Variants in CFAP299 observed in about 807,000 individuals in gnomAD.
CFAP299 encodes the protein cilia- and flagella-associated protein 299.
In CFAP299, 21 loss-of-function variants were observed where a neutral mutation model predicts 27.0. The observed-to-expected ratio is 0.78, with a 90% CI of 0.55 to 1.12. The LOEUF (loss-of-function observed/expected upper bound fraction) is 1.12, where lower values mean the gene tolerates loss of function less well. Ranked by LOEUF, CFAP299 falls within the 50% of genes most tolerant of loss-of-function variation. The pLI is 0.00. For missense variants in CFAP299, 310 were observed against 276.6 expected, an observed-to-expected ratio of 1.12 and a Z score of -0.86; for synonymous variants, 104 against 98.1, an observed-to-expected ratio of 1.06 and a Z score of -0.36.
chr4:80,857,532 G>A (rs1180906672), intron 3 of CFAP299, among the ~76,000 whole-genome samples: 1 of 152,168 alleles, frequency 6.6e-6, no homozygotes, highest in Non-Finnish European at 1.5e-5. Flanking sequence ...GTATGATATT[G>A]GCTGTTGGTT....
At chr4:80,854,713 G>A (rs1731725295) in intron 3 of CFAP299, among the ~76,000 whole-genome samples, 1 of 141,068 alleles carries the variant, frequency 7.1e-6, no homozygotes, top group Non-Finnish European at 1.5e-5. Context: ...GAGAAGATAT[G>A]TAAAAAAAAT....
intron 3 of CFAP299, among the ~76,000 whole-genome samples, chr4:80,744,583 CT>C (rs920106583): frequency 8.1e-5 from 12 of 148,850 alleles, no homozygotes; most frequent in African/African-American, 2.0e-4. Flanking sequence ...TGATTTTCAT[CT>C]TTTTTTTTTA....
At chr4:80,687,735 G>C (rs1196549669) in intron 3 of CFAP299, among the ~76,000 whole-genome samples, 1 of 152,186 alleles carries the variant, frequency 6.6e-6, no homozygotes. Context: ...CAGCGTGAGC[G>C]ACGCAGAAGA....
chr4:80,854,915 T>G (rs377514551), intron 3 of CFAP299, among the ~76,000 whole-genome samples: 2 of 150,160 alleles, frequency 1.3e-5, no homozygotes, highest in South Asian at 2.1e-4. Flanking sequence ...AAATTTGAAG[T>G]GCTAAACAAC....
At chr4:80,930,683 G>C (rs115482324) in intron 4 of CFAP299, among the ~76,000 whole-genome samples, 3,756 of 152,138 alleles carry the variant, frequency 0.025, 70 homozygotes, top group South Asian at 0.079. Context: ...AAAAAATTGT[G>C]TTTTCTCACT....
At chr4:80,400,983 G>A (rs2110049390) in intron 2 of CFAP299, among the ~76,000 whole-genome samples, 1 of 152,314 alleles carries the variant, frequency 6.6e-6, no homozygotes, top group East Asian at 1.9e-4. Flanking sequence ...TCATCAAAGA[G>A]ACTGGTGGCA....
intron 3 of CFAP299, among the ~76,000 whole-genome samples, chr4:80,625,413 A>G (rs1482812582): frequency 6.6e-6 from 1 of 152,040 alleles, no homozygotes; most frequent in Non-Finnish European, 1.5e-5. Context: ...CAATCAAAAC[A>G]ACACTGAAGA....
intron 3 of CFAP299, among the ~76,000 whole-genome samples, chr4:80,850,541 A>C (rs1013024524): frequency 6.6e-6 from 1 of 152,062 alleles, no homozygotes; most frequent in Non-Finnish European, 1.5e-5. Flanking sequence ...ATTATTGAAT[A>C]AAATAAATAT....
chr4:80,661,697 C>T (rs1740858633), intron 3 of CFAP299, among the ~76,000 whole-genome samples: 1 of 152,080 alleles, frequency 6.6e-6, no homozygotes, highest in South Asian at 2.1e-4. Context: ...GAAAAAAGAA[C>T]AGGACAACAG....
At chr4:80,844,494 C>T (rs1160303012) in intron 3 of CFAP299, among the ~76,000 whole-genome samples, 1 of 152,192 alleles carries the variant, frequency 6.6e-6, no homozygotes, top group African/African-American at 2.4e-5. Context: ...TTGCATTTCT[C>T]TGATGGCCAG....
At chr4:80,652,052 A>C (rs1235696363) in intron 3 of CFAP299, among the ~76,000 whole-genome samples, 2 of 152,164 alleles carry the variant, frequency 1.3e-5, no homozygotes, top group African/African-American at 4.8e-5. Flanking sequence ...ATTCTCAGGA[A>C]GATGAAAAGT....
At chr4:80,904,223 C>T (rs528283971) in intron 4 of CFAP299, among the ~76,000 whole-genome samples, 2 of 152,282 alleles carry the variant, frequency 1.3e-5, no homozygotes, top group South Asian at 4.1e-4. Flanking sequence ...GAGGGATTAA[C>T]ATTTTTGGTC....
At position 80,806,585 on chromosome 4, in the gene CFAP299, AATT is replaced by A. The variant is rs1325969588; in HGVS notation, c.334-63407_334-63405del. Among the ~76,000 whole-genome samples, 3 of 152,332 alleles carry A rather than the reference AATT, an allele frequency of 2.0e-5. No homozygotes were observed. In the East Asian group the frequency reaches 5.8e-4, roughly 29 times the overall value. On this transcript the variant is annotated intron_variant, in intron 3 of 5. Coordinates refer to ENST00000358105, the MANE Select transcript of CFAP299 (RefSeq NM_152770.3). ...CAAACATCCCTGCCCTATTGAATTC[AATT>A]TGCAGTGTCATTGCAATTTCAAGGA...
At chr4:80,481,104 A>G (rs1390253) in intron 2 of CFAP299, among the ~76,000 whole-genome samples, 47,326 of 151,838 alleles carry the variant, frequency 0.31, 7,679 homozygotes, top group Middle Eastern at 0.46. Flanking sequence ...AGAAGAGACA[A>G]TAGTGTGTTG....
chr4:80,394,312 A>T (rs984485545), intron 2 of CFAP299, among the ~76,000 whole-genome samples: 2 of 151,432 alleles, frequency 1.3e-5, no homozygotes, highest in Non-Finnish European at 2.9e-5. Context: ...GATTGAGTGA[A>T]TTCCTTATAC....
chr4:80,956,682 A>C (rs993502032), intron 5 of CFAP299, among the ~76,000 whole-genome samples: 4 of 151,830 alleles, frequency 2.6e-5, no homozygotes, highest in African/African-American at 9.7e-5. Context: ...TCCTGGCCTC[A>C]AGCGATCCTC....
intron 3 of CFAP299, among the ~76,000 whole-genome samples, chr4:80,863,739 T>G (rs948284094): frequency 4.6e-5 from 7 of 152,192 alleles, no homozygotes; most frequent in Admixed American, 2.6e-4. Context: ...TTTTGTTGGT[T>G]GTACCTTGAC....
intron 5 of CFAP299, among the ~76,000 whole-genome samples, chr4:80,952,577 C>T (rs552216400): frequency 1.3e-5 from 2 of 152,172 alleles, no homozygotes; most frequent in African/African-American, 4.8e-5. Context: ...TCACTGTTGT[C>T]TATTATTGTA....
intron 4 of CFAP299, among the ~76,000 whole-genome samples, chr4:80,914,150 A>G (rs532045397): frequency 6.6e-6 from 1 of 152,340 alleles, no homozygotes; most frequent in South Asian, 2.1e-4. Context: ...TAAAGTGGGT[A>G]TGAACACACA....
Sources: allele counts gnomAD v4.1 joint callset (sites outside exome capture counted in the v4.1 genomes callset), GRCh38; gene constraint gnomAD v4.1.1; transcripts MANE v1.5; gene names NCBI Gene and HGNC (gene_info 2026-07-23, HGNC 2026-07-21).